Variants in NRF1 observed in about 807,000 individuals in gnomAD.
NRF1 encodes the protein nuclear respiratory factor 1, also known as alpha palindromic-binding protein.
NRF1 carries 5 observed loss-of-function variants against 58.5 expected under a neutral mutation model. The observed-to-expected ratio is 0.09, with a 90% confidence interval of 0.04 to 0.18. NRF1 has a LOEUF of 0.18. Ranked by LOEUF, NRF1 falls within the 10% of genes least tolerant of loss-of-function variation. The pLI is 1.00. For synonymous variants in NRF1, 224 were observed against 246.7 expected (o/e 0.91, Z 0.86); for missense variants, 288 against 657.7 (o/e 0.44, Z 6.15).
At chr7:129,744,122 G>T in intron 10 of NRF1, 1 of 1,442,942 alleles carries the variant, frequency 6.9e-7, no homozygotes, top group Non-Finnish European at 9.3e-7. Flanking sequence ...GGCCCATCTT[G>T]CCCGGTGCTT....
At chr7:129,726,585 G>C (rs561388358) in intron 9 of NRF1, among the ~76,000 whole-genome samples, 19 of 152,256 alleles carry the variant, frequency 1.2e-4, no homozygotes, top group African/African-American at 4.6e-4. Context: ...GTTTGGACTT[G>C]CAGTGATAAT....
At chr7:129,697,286 G>A (rs1322393706) in intron 5 of NRF1, among the ~76,000 whole-genome samples, 2 of 151,956 alleles carry the variant, frequency 1.3e-5, no homozygotes, top group Non-Finnish European at 2.9e-5. Context: ...GCTCACGCAT[G>A]TAATCCCAGC....
At chr7:129,680,733 G>A (rs1406495669) in intron 4 of NRF1, among the ~76,000 whole-genome samples, 3 of 152,196 alleles carry the variant, frequency 2.0e-5, no homozygotes, top group African/African-American at 7.2e-5. Flanking sequence ...TATATGCAAT[G>A]TCCAGGATAG....
chr7:129,619,504 ATATATATAT>A (rs1800743415), intron 1 of NRF1, among the ~76,000 whole-genome samples: 1 of 121,848 alleles, frequency 8.2e-6, no homozygotes, highest in Non-Finnish European at 1.8e-5. Context: ...ATATATATAT[ATATATATAT>A]GTATTGTTTT....
At chr7:129,692,555 A>G (rs557638662) in intron 5 of NRF1, among the ~76,000 whole-genome samples, 9 of 152,302 alleles carry the variant, frequency 5.9e-5, no homozygotes, top group Admixed American at 3.9e-4. Flanking sequence ...CCTGCCTCAA[A>G]TAAATGAGTG....
chr7:129,675,291 C>A (rs921571175), intron 3 of NRF1, among the ~76,000 whole-genome samples: 45 of 152,200 alleles, frequency 3.0e-4, no homozygotes, highest in African/African-American at 1.0e-3. Flanking sequence ...TGTTGAACTC[C>A]TTAAAATCAT....
chr7:129,635,531 T>G (rs545103554), intron 1 of NRF1, among the ~76,000 whole-genome samples: 34 of 152,198 alleles, frequency 2.2e-4, no homozygotes, highest in Non-Finnish European at 4.3e-4. Flanking sequence ...TATCAATAGA[T>G]TCTGTTCTCC....
At chr7:129,678,395 G>C (rs2151086806) in intron 4 of NRF1, among the ~76,000 whole-genome samples, 1 of 152,186 alleles carries the variant, frequency 6.6e-6, no homozygotes, top group South Asian at 2.1e-4. Flanking sequence ...GTTTTTATTA[G>C]GGTAAAATTT....
At chr7:129,658,533 G>A (rs909549286) in intron 2 of NRF1, among the ~76,000 whole-genome samples, 4 of 151,356 alleles carry the variant, frequency 2.6e-5, no homozygotes, top group Admixed American at 2.0e-4. Flanking sequence ...TGAGGGTGCA[G>A]TGAGCTATGA....
chr7:129,746,731 A>C (rs1295542259), intron 10 of NRF1, among the ~76,000 whole-genome samples: 3 of 152,304 alleles, frequency 2.0e-5, no homozygotes, highest in East Asian at 1.9e-4. Context: ...TTTGATGTAC[A>C]TGGTTAGCGT....
At chr7:129,675,924 C>T (rs745500265) in intron 3 of NRF1, among the ~76,000 whole-genome samples, 2 of 152,228 alleles carry the variant, frequency 1.3e-5, no homozygotes, top group East Asian at 1.9e-4. Context: ...ATTGTATCTT[C>T]TTCCAGTAGA....
chr7:129,683,312 T>A (rs868560003), intron 4 of NRF1, among the ~76,000 whole-genome samples: 3,360 of 141,250 alleles, frequency 0.024, 134 homozygotes, highest in African/African-American at 0.084. Context: ...TGTGTGTGTG[T>A]GTGTGTGTGA....
intron 10 of NRF1, among the ~76,000 whole-genome samples, chr7:129,752,400 G>C (rs1000481477): frequency 6.6e-6 from 1 of 152,230 alleles, no homozygotes; most frequent in African/African-American, 2.4e-5. Flanking sequence ...CAGGGCACCT[G>C]TGAGAGAGTG....
intron 1 of NRF1, among the ~76,000 whole-genome samples, chr7:129,651,244 A>G (rs1801527542): frequency 6.6e-6 from 1 of 151,986 alleles, no homozygotes; most frequent in African/African-American, 2.4e-5. Flanking sequence ...TGATATGGTA[A>G]AACCCCGTCT....
intron 9 of NRF1, among the ~76,000 whole-genome samples, chr7:129,721,723 C>T (rs1367441892): frequency 2.0e-5 from 3 of 152,090 alleles, no homozygotes; most frequent in African/African-American, 7.2e-5. Context: ...CCTCGTGATC[C>T]ACCCGCCTCA....
chr7:129,685,634 A>T (rs973027451), intron 4 of NRF1, among the ~76,000 whole-genome samples: 1 of 149,694 alleles, frequency 6.7e-6, no homozygotes, highest in Non-Finnish European at 1.5e-5. Flanking sequence ...CCTGGTCCCT[A>T]TGCTCAGCAA....
chr7:129,699,187 A>C (rs1404513840), intron 5 of NRF1, among the ~76,000 whole-genome samples: 1 of 152,264 alleles, frequency 6.6e-6, no homozygotes, highest in East Asian at 1.9e-4. Flanking sequence ...TGAAATGTTC[A>C]GCAGAGTGGT....
chr7:129,637,452 A>G (rs184145293), intron 1 of NRF1, among the ~76,000 whole-genome samples: 17 of 152,328 alleles, frequency 1.1e-4, no homozygotes, highest in Non-Finnish European at 2.2e-4. Context: ...AAACCTGGAC[A>G]TAACAATGGT....
intron 1 of NRF1, among the ~76,000 whole-genome samples, chr7:129,640,013 TTATA>T (rs1483759493): frequency 6.6e-6 from 1 of 152,206 alleles, no homozygotes; most frequent in Non-Finnish European, 1.5e-5. Flanking sequence ...TTTGGCAACT[TTATA>T]AACTGCATTT....
Sources: allele counts gnomAD v4.1 joint callset (sites outside exome capture counted in the v4.1 genomes callset), GRCh38; gene constraint gnomAD v4.1.1; transcripts MANE v1.5; gene names NCBI Gene and HGNC (gene_info 2026-07-23, HGNC 2026-07-21).